TTLL11: variants seen among roughly 807,000 people sequenced by gnomAD.
TTLL11 encodes tubulin polyglutamylase TTLL11.
Under a neutral mutation model 51.7 loss-of-function variants are expected in TTLL11, and 42 were observed. The ratio of observed to expected loss-of-function variants is 0.81; its 90% CI spans 0.64 to 1.05. The LOEUF is 1.05. TTLL11 is among the 50% of genes least tolerant of loss of function. TTLL11 has a pLI of 0.00. For missense variants in TTLL11, 799 were observed against 940.4 expected (o/e 0.85, Z 1.97); for synonymous variants, 381 against 383.5 (o/e 0.99, Z 0.08).
At chr9:121,928,425 AT>A (rs1840825576) in intron 6 of TTLL11, among the ~76,000 whole-genome samples, 2 of 138,670 alleles carry the variant, frequency 1.4e-5, no homozygotes, top group Admixed American at 1.4e-4. Flanking sequence ...CCTTTGAGTT[AT>A]TTTGTTTGTT....
Position 121,870,746 on chromosome 9 carries a change from G to A in TTLL11, c.1484C>T (p.Ser495Phe). The change falls in exon 7 of 9, where the codon TCT becomes TTT. Residue 495 changes from serine to phenylalanine, a missense_variant and splice_region_variant. Around this residue, in one of 3 missense-constraint regions of TTLL11, gnomAD observed 468 missense variants for 612.8 expected, o/e 0.76. Coordinates refer to ENST00000321582, the MANE Select transcript of TTLL11 (RefSeq NM_001139442.2). ...AGCGAATGGTTTTTCAAGCTGCTGA[G>A]ACCTGAAGCACACAAAGAATTAATG... ...DPLKKKRENQ[S>F]QQLEKPFAGK... 1 of 1,539,538 alleles carries A rather than the reference G, an allele frequency of 6.5e-7. No individual in the cohort carries two copies. Among genetic ancestry groups the A allele is most frequent in the Non-Finnish European group, 8.8e-7 (1 of 1,140,114 alleles).
intron 4 of TTLL11, among the ~76,000 whole-genome samples, chr9:121,987,211 C>T (rs554748528): frequency 1.3e-5 from 2 of 152,226 alleles, no homozygotes; most frequent in Non-Finnish European, 2.9e-5. Context: ...CAGAAACACA[C>T]TAGTTGGAGA....
intron 4 of TTLL11, among the ~76,000 whole-genome samples, chr9:121,978,339 G>C (rs1208614924): frequency 6.6e-6 from 1 of 152,196 alleles, no homozygotes; most frequent in Non-Finnish European, 1.5e-5. Context: ...ACTTGGTCCA[G>C]TGGTTTTCAA....
At chr9:121,887,612 G>A (rs1017855123) in intron 6 of TTLL11, among the ~76,000 whole-genome samples, 14 of 152,220 alleles carry the variant, frequency 9.2e-5, no homozygotes, top group African/African-American at 3.4e-4. Flanking sequence ...TCGGTGTCCC[G>A]TGTGAGATGA....
intron 1 of TTLL11, among the ~76,000 whole-genome samples, chr9:122,042,569 C>T (rs1419893177): frequency 6.6e-6 from 1 of 152,168 alleles, no homozygotes; most frequent in African/African-American, 2.4e-5. Context: ...TAGTTCTCCT[C>T]GGTATTTATC....
intron 4 of TTLL11, among the ~76,000 whole-genome samples, chr9:121,984,046 G>A (rs562729070): frequency 3.3e-5 from 5 of 152,266 alleles, no homozygotes; most frequent in African/African-American, 1.2e-4. Context: ...CAGGTCAGCC[G>A]AGACAGAAGA....
At chr9:121,861,483 A>T (rs1838010142) in intron 7 of TTLL11, among the ~76,000 whole-genome samples, 1 of 152,132 alleles carries the variant, frequency 6.6e-6, no homozygotes, top group Non-Finnish European at 1.5e-5. Context: ...TCTATAAAAC[A>T]GGTGGTCTTT....
chr9:121,972,322 T>G (rs1006236830), intron 6 of TTLL11, among the ~76,000 whole-genome samples: 1 of 152,220 alleles, frequency 6.6e-6, no homozygotes, highest in Non-Finnish European at 1.5e-5. Flanking sequence ...TTTATTGCAG[T>G]AATTCTGACC....
intron 3 of TTLL11, among the ~76,000 whole-genome samples, chr9:121,991,197 G>A (rs749935636): frequency 1.3e-5 from 2 of 152,214 alleles, no homozygotes; most frequent in Non-Finnish European, 2.9e-5. Context: ...ACTCTGGCTT[G>A]TGCCTTGCGC....
At chr9:122,053,616 G>A (rs919518028) in intron 1 of TTLL11, among the ~76,000 whole-genome samples, 6 of 152,166 alleles carry the variant, frequency 3.9e-5, no homozygotes, top group African/African-American at 1.4e-4. Context: ...CCATAAGGAA[G>A]CTGACCTAGG....
At chr9:121,917,557 G>A (rs59713897) in intron 6 of TTLL11, among the ~76,000 whole-genome samples, 56 of 113,366 alleles carry the variant, frequency 4.9e-4, no homozygotes, top group African/African-American at 1.9e-3. Context: ...AAAAGAAAAA[G>A]AAAGAAAGAA....
rs146005823 is a variant in TTLL11, at chr9:122,060,873, TG to T, written c.463-21506del. On this transcript the variant is annotated intron_variant, in intron 1 of 8. Transcript: ENST00000321582. The stretch of plus-strand genomic sequence containing the variant: ...AACTATGCCCTCTTCCAGGTATTCC[TG>T]GGGTATGGGAGAAGATCAGTGTATT... Among the ~76,000 whole-genome samples the T allele has an allele frequency of 2.9e-3, 439 of 152,348 alleles. 5 individuals carry two copies. The highest frequency in any genetic ancestry group is 0.01 in the African/African-American group (422 of 41,574).
chr9:122,027,627 T>G (rs1437258288), intron 3 of TTLL11, among the ~76,000 whole-genome samples: 5 of 152,250 alleles, frequency 3.3e-5, no homozygotes, highest in African/African-American at 7.2e-5. Context: ...GTCCTATTTT[T>G]GCAACTTTTT....
intron 8 of TTLL11, among the ~76,000 whole-genome samples, chr9:121,833,512 C>G (rs1047514635): frequency 3.9e-5 from 6 of 152,180 alleles, no homozygotes; most frequent in Non-Finnish European, 7.3e-5. Flanking sequence ...ATAGCACTTT[C>G]CAGTTTACAA....
intron 3 of TTLL11, among the ~76,000 whole-genome samples, chr9:122,009,415 A>C (rs1156457107): frequency 2.0e-5 from 3 of 151,974 alleles, no homozygotes; most frequent in African/African-American, 4.8e-5. Flanking sequence ...TTTAATATCT[A>C]CTCACTGTTA....
At chr9:121,952,066 C>T (rs1398778489) in intron 6 of TTLL11, among the ~76,000 whole-genome samples, 1 of 152,128 alleles carries the variant, frequency 6.6e-6, no homozygotes, top group Non-Finnish European at 1.5e-5. Context: ...TGGTTATGAC[C>T]TGTATTTTGT....
At chr9:122,089,518 T>A (rs540000901) in intron 1 of TTLL11, among the ~76,000 whole-genome samples, 1 of 152,334 alleles carries the variant, frequency 6.6e-6, no homozygotes, top group South Asian at 2.1e-4. Flanking sequence ...TAATCATAGT[T>A]TAAAGCAGGA....
intron 3 of TTLL11, among the ~76,000 whole-genome samples, chr9:122,030,575 T>A (rs1844506683): frequency 6.6e-6 from 1 of 152,026 alleles, no homozygotes; most frequent in South Asian, 2.1e-4. Flanking sequence ...TCCTCATCCA[T>A]AAAATGGGGA....
intron 6 of TTLL11, among the ~76,000 whole-genome samples, chr9:121,960,442 T>C (rs571808889): frequency 4.6e-5 from 7 of 152,308 alleles, no homozygotes; most frequent in African/African-American, 1.2e-4. Flanking sequence ...CCCCATGTCC[T>C]GTCCTGCCTT....
Sources: gnomAD v4.1 joint callset for allele counts (sites outside exome capture counted in the v4.1 genomes callset) on GRCh38, gnomAD v4.1.1 for gene constraint, gnomAD v4.1.1 regional missense constraint, MANE v1.5 for transcripts, NCBI Gene and HGNC (gene_info 2026-07-23, HGNC 2026-07-21) for gene names.